The following TXNDC15 variants were observed in gnomAD, a reference collection of about 807,000 sequenced individuals.
The protein encoded by TXNDC15 is thioredoxin domain-containing protein 15.
In TXNDC15, 24 loss-of-function variants were observed where a neutral mutation model predicts 35.0. The ratio of observed to expected loss-of-function variants is 0.68; its 90% confidence interval spans 0.50 to 0.96. The LOEUF (loss-of-function observed/expected upper bound fraction) is 0.96. Ranked by LOEUF, TXNDC15 falls within the 40% of genes least tolerant of loss-of-function variation. TXNDC15 has a pLI of 0.00. For missense variants in TXNDC15, 385 were observed against 453.3 expected, an observed-to-expected ratio of 0.85 and a Z score of 1.37; for synonymous variants, 169 against 174.0, an observed-to-expected ratio of 0.97 and a Z score of 0.23.
At chr5:134,886,294 C>T (rs1422956516) in intron 1 of TXNDC15, among the ~76,000 whole-genome samples, 1 of 152,252 alleles carries the variant, frequency 6.6e-6, no homozygotes, top group Non-Finnish European at 1.5e-5. Context: ...CAGTTGGTCA[C>T]TGACACTCCA....
chr5:134,876,177 G>C (rs1750029363), intron 1 of TXNDC15, among the ~76,000 whole-genome samples: 1 of 152,130 alleles, frequency 6.6e-6, no homozygotes, highest in African/African-American at 2.4e-5. Flanking sequence ...GGGATGGCAT[G>C]GGTTGGATAT....
intron 3 of TXNDC15, among the ~76,000 whole-genome samples, chr5:134,895,103 C>T (rs1167265366): frequency 6.6e-6 from 1 of 151,884 alleles, no homozygotes; most frequent in Non-Finnish European, 1.5e-5. Flanking sequence ...TTGCCTGAAC[C>T]AGGGGAGGTC....
In TXNDC15 at chr5:134,901,221, G is replaced by A. The variant is rs1008399172; in HGVS notation, c.*1536G>A. On this transcript the variant is annotated 3_prime_UTR_variant, in exon 5 of 5. Coordinates refer to ENST00000358387, the MANE Select transcript of TXNDC15 (RefSeq NM_024715.4). ...GAGTAGTTGAATGTTTATTTCACAA[G>A]GCACCCTAAATTCTATAGAAATAAA... 1.3e-5 allele frequency: 2 copies of A among 152,110 alleles called. No individual in the cohort carries two copies. Among genetic ancestry groups the A allele is most frequent in the African/African-American group, 2.4e-5 (1 of 41,400 alleles). 9.4% of individuals were successfully genotyped at this position (152,110 alleles called of 1,614,324 possible).
intron 3 of TXNDC15, among the ~76,000 whole-genome samples, chr5:134,895,269 C>T (rs1205641536): frequency 6.6e-6 from 1 of 152,136 alleles, no homozygotes; most frequent in South Asian, 2.1e-4. Context: ...AAAGAAATGG[C>T]TCAACAAATT....
At position 134,874,408 on chromosome 5, in the gene TXNDC15, A is replaced by G. The variant is rs772254095; in HGVS notation, c.-20A>G. The G allele has an allele frequency of 1.3e-6, 2 of 1,579,138 alleles. No individual in the cohort carries two copies. Among genetic ancestry groups the G allele is most frequent in the African/African-American group, 2.8e-5 (2 of 71,380 alleles). On this transcript the variant is annotated 5_prime_UTR_variant, in exon 1 of 5. Coordinates refer to ENST00000358387, the MANE Select transcript of TXNDC15 (RefSeq NM_024715.4). ...GCACGACTCGCGTAGCCGTGCGCCGATTGCCTCTCGGCCTGGGCAATGGTC... is the reference window on the plus strand; with the variant it reads ...GCACGACTCGCGTAGCCGTGCGCCGGTTGCCTCTCGGCCTGGGCAATGGTC...
chr5:134,895,998 G>A (rs985263421), intron 3 of TXNDC15: 3 of 231,348 alleles, frequency 1.3e-5, no homozygotes, highest in Non-Finnish European at 2.5e-5. Context: ...ATGAATTAGA[G>A]TTTTCTGGTC....
intron 2 of TXNDC15, 27 bp downstream of exon 2, chr5:134,888,209 CT>C: frequency 6.4e-7 from 1 of 1,562,784 alleles, no homozygotes; most frequent in African/African-American, 1.4e-5. Context: ...TAGTGCTTTT[CT>C]CCTTTTCAGT....
intron 1 of TXNDC15, among the ~76,000 whole-genome samples, chr5:134,883,672 G>C (rs1750212341): frequency 6.6e-6 from 1 of 151,764 alleles, no homozygotes; most frequent in African/African-American, 2.4e-5. Flanking sequence ...CAGCACTTTG[G>C]GAGGCTGAGG....
chr5:134,874,064 A>C, upstream of TXNDC15: 3 of 179,584 alleles, frequency 1.7e-5, no homozygotes, highest in Non-Finnish European at 1.2e-5. Context: ...GGCTCTGGGA[A>C]TGAAGCGTGG....
chr5:134,877,853 A>G (rs372649470), intron 1 of TXNDC15, among the ~76,000 whole-genome samples: 2 of 150,988 alleles, frequency 1.3e-5, no homozygotes, highest in South Asian at 2.1e-4. Context: ...GCTCATTGCA[A>G]CCTCTGCCTC....
At chr5:134,893,937 T>C (rs1394442980) in intron 3 of TXNDC15, among the ~76,000 whole-genome samples, 1 of 152,138 alleles carries the variant, frequency 6.6e-6, no homozygotes, top group Non-Finnish European at 1.5e-5. Flanking sequence ...CAGAAGACTT[T>C]TGAGGGCCAT....
Position 134,897,515 on chromosome 5 carries a change from C to T in TXNDC15, c.886+1091C>T, listed in dbSNP as rs550466642. On this transcript the variant is annotated intron_variant, in intron 4 of 4. Transcript: ENST00000358387. The stretch of plus-strand genomic sequence containing the variant: ...CTGCCTGCCTTGGCCTCCCAGAGTG[C>T]TCAGATTACAGGTGTGAGCCACCGT... Among the ~76,000 whole-genome samples the T allele has an allele frequency of 1.1e-4, 16 of 152,010 alleles. No homozygotes were observed. The East Asian group carries it at 2.7e-3, about 26-fold the overall frequency.
chr5:134,877,516 T>C (rs1396425060), intron 1 of TXNDC15, among the ~76,000 whole-genome samples: 1 of 152,204 alleles, frequency 6.6e-6, no homozygotes, highest in Admixed American at 6.5e-5. Flanking sequence ...CTACAGTAGT[T>C]GCCCAGACAA....
chr5:134,874,799 G>A (rs1181813225), intron 1 of TXNDC15, among the ~76,000 whole-genome samples: 2 of 152,390 alleles, frequency 1.3e-5, no homozygotes, highest in East Asian at 1.9e-4. Flanking sequence ...AGCCAGGAGG[G>A]ACAGTGCGGT....
intron 2 of TXNDC15, chr5:134,893,116 A>G (rs1055538066): frequency 6.3e-6 from 1 of 158,966 alleles, no homozygotes; most frequent in Admixed American, 6.3e-5. Flanking sequence ...AATCTGCAAA[A>G]AATGCAATGT....
At chr5:134,875,465 T>C (rs569205811) in intron 1 of TXNDC15, 2 of 444,552 alleles carry the variant, frequency 4.5e-6, no homozygotes, top group African/African-American at 4.1e-5. Context: ...GCTCAGTGCT[T>C]TACGAGCATC....
chr5:134,898,684 A>C (rs941601287), intron 4 of TXNDC15, among the ~76,000 whole-genome samples: 1 of 152,206 alleles, frequency 6.6e-6, no homozygotes, highest in East Asian at 1.9e-4. Context: ...GTGCTCTAAG[A>C]AAACCTAGAA....
At position 134,898,019 on chromosome 5, in the gene TXNDC15, GA is replaced by G. The variant is rs979527338; in HGVS notation, c.887-1459del. On this transcript the variant is annotated intron_variant, in intron 4 of 4. Transcript: ENST00000358387. ...GTGAGACTCCGTCTCAAAAAAAAAAGAAAAAAAAAAAGAGAAACAGAACATT... is the reference window on the plus strand; with the variant it reads ...GTGAGACTCCGTCTCAAAAAAAAAAGAAAAAAAAAAGAGAAACAGAACATT... 4.4e-3 allele frequency among the ~76,000 whole-genome samples: 619 copies of G among 140,304 alleles called. 1 individual carries two copies. The highest frequency in any genetic ancestry group is 7.4e-3 in the Non-Finnish European group (470 of 63,732). The allele number at this position is 140,304 out of a possible 152,430, so 92.0% of individuals were successfully genotyped here.
chr5:134,881,441 C>T (rs1308138285), intron 1 of TXNDC15, among the ~76,000 whole-genome samples: 2 of 88,334 alleles, frequency 2.3e-5, no homozygotes, highest in East Asian at 2.7e-4. Flanking sequence ...CATCTTGCAC[C>T]GCCCTTAATC....
Sources: allele counts gnomAD v4.1 joint callset (sites outside exome capture counted in the v4.1 genomes callset), GRCh38; gene constraint gnomAD v4.1.1; transcripts MANE v1.5; gene names NCBI Gene and HGNC (gene_info 2026-07-23, HGNC 2026-07-21).